Variants in NADK observed in about 807,000 individuals in gnomAD.
NADK encodes NAD kinase, also known as poly(P)/ATP NAD kinase.
Under a neutral mutation model 49.8 loss-of-function variants are expected in NADK, and 22 were observed. The ratio of observed to expected loss-of-function variants is 0.44; its 90% CI spans 0.32 to 0.63. NADK has a LOEUF of 0.63. Ranked by LOEUF, NADK falls within the 30% of genes least tolerant of loss-of-function variation. The probability of loss-of-function intolerance (pLI) is 0.06; values close to 1 mark genes in which losing one functional copy is unlikely to be tolerated. For synonymous variants in NADK, 268 were observed against 253.7 expected (o/e 1.06, Z -0.54); for missense variants, 438 against 609.4 (o/e 0.72, Z 2.96).
intron 3 of NADK, among the ~76,000 whole-genome samples, 179 bp from the exon 4 acceptor site, chr1:1,757,489 G>A (rs552719856): frequency 6.6e-6 from 1 of 151,886 alleles, no homozygotes; most frequent in Admixed American, 6.6e-5. Context: ...AGGGTCAGGG[G>A]TCAGTAGGGT....
At chr1:1,767,823 A>G (rs1221332762) in intron 1 of NADK, among the ~76,000 whole-genome samples, 1 of 151,990 alleles carries the variant, frequency 6.6e-6, no homozygotes, top group African/African-American at 2.4e-5. Flanking sequence ...AATCCCCCCA[A>G]ATTCCTACAT....
chr1:1,757,468 G>A (rs532633165), intron 3 of NADK, among the ~76,000 whole-genome samples, 158 bp from the exon 4 acceptor site: 1 of 151,986 alleles, frequency 6.6e-6, no homozygotes, highest in African/African-American at 2.4e-5. Flanking sequence ...CTAGGGTCGC[G>A]CCACAGAGAC....
chr1:1,762,070 C>T (rs1323426609), intron 2 of NADK, 35 bp from the exon 3 acceptor site: 2 of 1,575,844 alleles, frequency 1.3e-6, no homozygotes, highest in Admixed American at 1.7e-5. Context: ...GCCACCAGGG[C>T]CTGAAACCAG....
In NADK at chr1:1,765,117, T is replaced by A. The variant is rs1205204396; in HGVS notation, c.179+111A>T. 3 of 1,106,366 alleles carry A rather than the reference T, an allele frequency of 2.7e-6. No homozygotes were observed. In the Admixed American group the frequency reaches 7.8e-5, roughly 29 times the overall value. The allele number at this position is 1,106,366 out of a possible 1,614,324, so 68.5% of individuals were successfully genotyped here. Reference sequence around the variant, plus strand: ...CCTGGGCAAGGACCCAGCCTCACCTTCCGGATGCATCGACGCAGACTACTC... The same window carrying A: ...CCTGGGCAAGGACCCAGCCTCACCTACCGGATGCATCGACGCAGACTACTC... On this transcript the variant is annotated intron_variant, in intron 2 of 11. Transcript: ENST00000341426.
rs761889720 is a variant in NADK, at chr1:1,762,043, G to T, written c.180-8C>A. The T allele has an allele frequency of 1.5e-5, 24 of 1,613,522 alleles. No homozygotes were observed. The highest frequency in any genetic ancestry group is 1.8e-5 in the Non-Finnish European group (21 of 1,179,788). Reference sequence around the variant, plus strand: ...TGAAGAGAGCGTGTCCTCCTGTGGGGAGAGGGCAGTGTCAGAGCCACCAGG... The same window carrying T: ...TGAAGAGAGCGTGTCCTCCTGTGGGTAGAGGGCAGTGTCAGAGCCACCAGG... On this transcript the variant is annotated splice_region_variant and splice_polypyrimidine_tract_variant and intron_variant, in intron 2 of 11. Coordinates refer to ENST00000341426, the MANE Select transcript of NADK (RefSeq NM_023018.5).
At chr1:1,766,163 A>C (rs1347646193) in intron 1 of NADK, among the ~76,000 whole-genome samples, 1 of 151,096 alleles carries the variant, frequency 6.6e-6, no homozygotes, top group Non-Finnish European at 1.5e-5. Flanking sequence ...GAAAAGAAAG[A>C]CTCTGGCCAG....
At chr1:1,768,430 C>A (rs1294966805) in intron 1 of NADK, among the ~76,000 whole-genome samples, 1 of 152,126 alleles carries the variant, frequency 6.6e-6, no homozygotes, top group Non-Finnish European at 1.5e-5. Flanking sequence ...GTGGTGCATG[C>A]CTGCAGTCCC....
intron 3 of NADK, among the ~76,000 whole-genome samples, chr1:1,758,078 C>A (rs1645587271): frequency 2.0e-5 from 3 of 152,332 alleles, no homozygotes; most frequent in South Asian, 4.1e-4. Flanking sequence ...GCTCCTGTTC[C>A]CAGAAGCCAA....
intron 3 of NADK, among the ~76,000 whole-genome samples, chr1:1,761,116 C>G (rs1645709829): frequency 6.6e-6 from 1 of 152,190 alleles, no homozygotes; most frequent in South Asian, 2.1e-4. Context: ...TCTCAGCCTC[C>G]CAAGTAGCTG....
chr1:1,756,690 G>T (rs113696378), intron 4 of NADK, 82 bp from the exon 5 acceptor site: 48 of 1,601,702 alleles, frequency 3.0e-5, no homozygotes, highest in Non-Finnish European at 4.0e-5. Flanking sequence ...CGGGCGCTGT[G>T]GTCAGAGACC....
chr1:1,777,712 G>A (rs1458095780), intron 1 of NADK, among the ~76,000 whole-genome samples: 1 of 152,008 alleles, frequency 6.6e-6, no homozygotes, highest in Non-Finnish European at 1.5e-5. Context: ...GAAAAAAAAC[G>A]ACGACCTAGA....
chr1:1,760,692 C>T (rs1282810591), intron 3 of NADK, among the ~76,000 whole-genome samples: 2 of 150,562 alleles, frequency 1.3e-5, no homozygotes, highest in African/African-American at 5.0e-5. Context: ...GAAGAGAGCC[C>T]GTTCTGCACA....
At chr1:1,759,780 C>T (rs1299574722) in intron 3 of NADK, 1 of 1,556,812 alleles carries the variant, frequency 6.4e-7, no homozygotes, top group Admixed American at 1.9e-5. Context: ...TCGGGGACCA[C>T]TGAGTACGCC....
intron 1 of NADK, among the ~76,000 whole-genome samples, chr1:1,766,183 C>T (rs1645879758): frequency 6.6e-6 from 1 of 151,764 alleles, no homozygotes. Context: ...GGTGCGGTGG[C>T]TCACCTGAGG....
intron 10 of NADK, 44 bp from the exon 11 acceptor site, chr1:1,753,693 A>G: frequency 7.8e-6 from 12 of 1,535,114 alleles, no homozygotes; most frequent in Non-Finnish European, 9.8e-6. Flanking sequence ...AGCTGTGGGG[A>G]GGACGCTTCT....
chr1:1,766,410 C>CAAAAAAAAAAAAAAAAA (rs70937193), intron 1 of NADK, among the ~76,000 whole-genome samples: 1 of 26,982 alleles, frequency 3.7e-5, no homozygotes, highest in African/African-American at 8.3e-5. Flanking sequence ...AACTCCGTCT[C>CAAAAAAAAAAAAAAAAA]AAAAAAAAAA....
At position 1,765,224 on chromosome 1, in the gene NADK, G is replaced by A. The variant is rs1645849456; in HGVS notation, c.179+4C>T. On this transcript the variant is annotated splice_donor_region_variant and intron_variant, in intron 2 of 11. Coordinates refer to ENST00000341426, the MANE Select transcript of NADK (RefSeq NM_023018.5). ...AAAAGAGGAACCATCCCTCCCAGTT[G>A]TACCTGAACTCCTTGGTGCTCCCCA... The A allele has an allele frequency of 6.3e-7, 1 of 1,583,136 alleles. No individual in the cohort carries two copies. The highest frequency in any genetic ancestry group is 1.9e-5 in the Admixed American group (1 of 52,138).
chr1:1,765,550 G>A (rs1408101065), intron 1 of NADK, 104 bp from the exon 2 acceptor site: 1 of 555,556 alleles, frequency 1.8e-6, no homozygotes, highest in East Asian at 3.5e-5. Context: ...GGAAAAAATG[G>A]CTGAAGTCCA....
At chr1:1,753,519 C>T (rs762573729) in intron 11 of NADK, 48 bp downstream of exon 11, 57 of 1,539,118 alleles carry the variant, frequency 3.7e-5, no homozygotes, top group Middle Eastern at 1.9e-4. Flanking sequence ...CTGCCTGGCC[C>T]GGGGAGGAGG....
Sources: allele counts gnomAD v4.1 joint callset (sites outside exome capture counted in the v4.1 genomes callset), GRCh38; gene constraint gnomAD v4.1.1; transcripts MANE v1.5; gene names NCBI Gene and HGNC (gene_info 2026-07-23, HGNC 2026-07-21).